MEAK7: variants seen among roughly 807,000 people sequenced by gnomAD.
The protein encoded by MEAK7 is MTOR-associated protein MEAK7.
MEAK7 carries 68 observed loss-of-function variants against 40.5 expected under a neutral mutation model. The observed-to-expected ratio is 1.68, with a 90% CI of 1.38 to 2.06. The LOEUF (loss-of-function observed/expected upper bound fraction) is 2.06. Among genes scored for constraint, MEAK7 ranks in the 30% most tolerant of loss-of-function variants. The pLI, the probability that MEAK7 is intolerant of heterozygous loss-of-function variation, is 0.00. For synonymous variants in MEAK7, 338 were observed against 231.9 expected (o/e 1.46, Z -4.16); for missense variants, 918 against 580.5 (o/e 1.58, Z -5.98).
chr16:84,486,245 A>G, intron 5 of MEAK7: 1 of 197,600 alleles, frequency 5.1e-6, no homozygotes, highest in Admixed American at 5.4e-5. Flanking sequence ...AAGCTTCCAA[A>G]TTCCAACAAG....
intron 2 of MEAK7, among the ~76,000 whole-genome samples, chr16:84,496,533 A>C (rs1421374839): frequency 6.6e-6 from 1 of 152,062 alleles, no homozygotes; most frequent in African/African-American, 2.4e-5. Flanking sequence ...CATTTTATCT[A>C]AACTGGCATA....
At chr16:84,494,648 GTTGT>G (rs886453833) in intron 3 of MEAK7, 10 of 335,408 alleles carry the variant, frequency 3.0e-5, no homozygotes, top group African/African-American at 1.8e-4. Context: ...TTTTTTGTTT[GTTGT>G]TTTTCTCTCT....
chr16:84,498,839 G>A (rs1014734457), intron 1 of MEAK7, among the ~76,000 whole-genome samples: 1 of 152,186 alleles, frequency 6.6e-6, no homozygotes, highest in Non-Finnish European at 1.5e-5. Flanking sequence ...CTCACCTTGA[G>A]AATACTGCTA....
chr16:84,479,266 T>G lies in MEAK7; in HGVS notation c.*647A>C, dbSNP rs1233882113. On this transcript the variant is annotated 3_prime_UTR_variant, in exon 8 of 8. Transcript: ENST00000343629. ...GTCGAGATTTTCATCCAGATGCCTC[T>G]GTCCCTCACCCGTCAGAACAGACCA... 1.3e-5 allele frequency: 2 copies of G among 152,274 alleles called. No individual in the cohort carries two copies. The highest frequency in any genetic ancestry group is 2.9e-5 in the Non-Finnish European group (2 of 68,084). 9.4% of individuals were successfully genotyped at this position (152,274 alleles called of 1,614,324 possible).
chr16:84,503,448 T>A (rs1390549758), intron 1 of MEAK7, among the ~76,000 whole-genome samples: 1 of 152,162 alleles, frequency 6.6e-6, no homozygotes, highest in African/African-American at 2.4e-5. Context: ...GGCTTCCCAC[T>A]TGCCCATGCT....
Position 84,481,889 on chromosome 16 carries a change from G to A in MEAK7, c.1077+703C>T, listed in dbSNP as rs139938582. 6.2e-3 allele frequency among the ~76,000 whole-genome samples: 950 copies of A among 152,176 alleles called. 12 individuals are homozygous for A. The highest frequency in any genetic ancestry group is 0.022 in the African/African-American group (905 of 41,510). On this transcript the variant is annotated intron_variant, in intron 6 of 7. Transcript: ENST00000343629. ...GCGGAGCTTGCAGTGAGCCGAGATC[G>A]CGCCACTGCACTCCAGCCTGGACAA...
chr16:84,486,338 C>T, intron 5 of MEAK7: 1 of 704,094 alleles, frequency 1.4e-6, no homozygotes, highest in Non-Finnish European at 1.9e-6. Flanking sequence ...TCTCCTGGTC[C>T]CCTCGGAGGC....
intron 3 of MEAK7, chr16:84,494,662 T>C (rs1396039252): frequency 2.8e-6 from 1 of 352,262 alleles, no homozygotes; most frequent in African/African-American, 2.2e-5. Flanking sequence ...TTTTTCTCTC[T>C]TCCTCCCCCA....
In MEAK7 at chr16:84,496,703, G is replaced by A. The variant is rs149887155; in HGVS notation, c.154-790C>T. ...CCAGGATGCAGGACGTTCTCTCACCGAAGGGCCTCACACCACCTAAGCGTC... is the reference window on the plus strand; with the variant it reads ...CCAGGATGCAGGACGTTCTCTCACCAAAGGGCCTCACACCACCTAAGCGTC... On this transcript the variant is annotated intron_variant, in intron 2 of 7. Coordinates refer to ENST00000343629, the MANE Select transcript of MEAK7 (RefSeq NM_020947.4). Among the ~76,000 whole-genome samples, 373 of 151,224 alleles carry A rather than the reference G, an allele frequency of 2.5e-3. 2 individuals carry two copies. Among genetic ancestry groups the A allele is most frequent in the African/African-American group, 8.1e-3 (329 of 40,636 alleles).
chr16:84,500,170 T>C (rs1265311998), intron 1 of MEAK7: 1 of 152,240 alleles, frequency 6.6e-6, no homozygotes, highest in African/African-American at 2.4e-5. Flanking sequence ...GGCTGATTAG[T>C]ATTTTGTTGT....
intron 1 of MEAK7, chr16:84,504,231 C>G (rs750780113): frequency 2.3e-4 from 204 of 897,644 alleles, no homozygotes; most frequent in South Asian, 3.1e-4. Flanking sequence ...CCAGACTCGC[C>G]TCCTCCGTGG....
At chr16:84,501,078 G>A (rs1334494928) in intron 1 of MEAK7, among the ~76,000 whole-genome samples, 2 of 114,548 alleles carry the variant, frequency 1.7e-5, no homozygotes, top group African/African-American at 6.6e-5. Context: ...CTGGGCAACA[G>A]AGTTAGACTC....
At chr16:84,483,668 G>C (rs901605599) in intron 5 of MEAK7, among the ~76,000 whole-genome samples, 4 of 152,216 alleles carry the variant, frequency 2.6e-5, no homozygotes, top group African/African-American at 9.6e-5. Context: ...AGTGTGGGCT[G>C]ACACCGCCCA....
intron 3 of MEAK7, among the ~76,000 whole-genome samples, chr16:84,494,253 GA>G: frequency 6.6e-6 from 1 of 152,236 alleles, no homozygotes; most frequent in South Asian, 2.1e-4. Context: ...TGTCTTTAAT[GA>G]AAGTGGGGAA....
At chr16:84,497,865 T>C (rs886913757) in intron 2 of MEAK7, 69 bp downstream of exon 2, 155 of 1,599,176 alleles carry the variant, frequency 9.7e-5, no homozygotes, top group Non-Finnish European at 1.3e-4. Context: ...AAGCAGATTC[T>C]GGCCTGAAAG....
rs1912144618 is a variant in MEAK7, at chr16:84,477,115, G to T, written c.*2798C>A. On this transcript the variant is annotated 3_prime_UTR_variant, in exon 8 of 8. Transcript: ENST00000343629. Reference sequence around the variant, plus strand: ...TCGCCATGTTGCCCAGGCTGGTCTTGAACTCCTGGGCTCAAGCAATCGGCC... The same window carrying T: ...TCGCCATGTTGCCCAGGCTGGTCTTTAACTCCTGGGCTCAAGCAATCGGCC... The T allele has an allele frequency of 6.6e-6, 1 of 152,096 alleles. No individual in the cohort carries two copies. Among genetic ancestry groups the T allele is most frequent in the African/African-American group, 2.4e-5 (1 of 41,356 alleles). 9.4% of individuals were successfully genotyped at this position (152,096 alleles called of 1,614,324 possible).
chr16:84,497,468 C>T lies in MEAK7; in HGVS notation c.153+466G>A, dbSNP rs1191237722. ...TGACACGTCATGGTTCCTGGACCGACGAGTCCAGGAGGGCAGACCCATCAC... is the reference window on the plus strand; with the variant it reads ...TGACACGTCATGGTTCCTGGACCGATGAGTCCAGGAGGGCAGACCCATCAC... On this transcript the variant is annotated intron_variant, in intron 2 of 7. Transcript: ENST00000343629. The T allele has an allele frequency of 8.5e-6, 11 of 1,289,878 alleles. No individual in the cohort carries two copies. The Admixed American group carries it at 1.1e-4, about 13-fold the overall frequency. The allele number at this position is 1,289,878 out of a possible 1,614,324, so 79.9% of individuals were successfully genotyped here.
intron 4 of MEAK7, 83 bp from the exon 5 acceptor site, chr16:84,487,142 G>T: frequency 2.9e-6 from 4 of 1,391,954 alleles, no homozygotes; most frequent in Non-Finnish European, 3.9e-6. Context: ...ATCAGTGTGG[G>T]AGCCACGAGT....
intron 2 of MEAK7, 78 bp from the exon 3 acceptor site, chr16:84,495,991 A>C: frequency 1.0e-5 from 15 of 1,499,576 alleles, no homozygotes; most frequent in Non-Finnish European, 1.4e-5. Context: ...TATTTTAGGC[A>C]GATAGAGAGG....
Sources: allele counts gnomAD v4.1 joint callset (sites outside exome capture counted in the v4.1 genomes callset), GRCh38; gene constraint gnomAD v4.1.1; transcripts MANE v1.5; gene names NCBI Gene and HGNC (gene_info 2026-07-23, HGNC 2026-07-21).